The following DPP7 variants were observed in gnomAD, a reference collection of about 807,000 sequenced individuals.
DPP7 encodes dipeptidyl peptidase 7.
Under a neutral mutation model 58.8 loss-of-function variants are expected in DPP7, and 74 were observed. The ratio of observed to expected loss-of-function variants is 1.26; its 90% CI spans 1.04 to 1.53. DPP7 has a LOEUF of 1.53. Ranked by LOEUF, DPP7 falls within the 40% of genes most tolerant of loss-of-function variation. The pLI is 0.00. For missense variants in DPP7, 807 were observed against 692.3 expected, an observed-to-expected ratio of 1.17 and a Z score of -1.86; for synonymous variants, 350 against 303.6, an observed-to-expected ratio of 1.15 and a Z score of -1.59.
chr9:137,113,527 G>GC (rs1014196954), intron 4 of DPP7, 31 bp from the exon 5 acceptor site: 1 of 1,521,150 alleles, frequency 6.6e-7, no homozygotes, highest in South Asian at 1.3e-5. Flanking sequence ...TAGGGCTGCT[G>GC]CCCCCAACAC....
Position 137,110,680 on chromosome 9 carries a change from C to G in DPP7, c.1447G>C (p.Ala483Pro). The stretch of plus-strand genomic sequence containing the variant: ...CTGAGTCTGGGCCCCCCACGCAGAG[C>G]TGGCTGCTGCTCACGCCTGGCTGCC... ...VKAARREQQPALRGGPRLSL is the reference protein window; with the variant it reads ...VKAARREQQPPLRGGPRLSL The change falls in exon 13 of 13, where the codon GCT (alanine) becomes CCT (proline). Residue 483 changes from alanine (A) to proline (P), a missense_variant. By Grantham distance (27) the Ala-to-Pro change is conservative. Around this residue, in one of 3 missense-constraint regions of DPP7, gnomAD observed 624 missense variants for 531.2 expected, o/e 1.17. Coordinates refer to ENST00000371579, the MANE Select transcript of DPP7 (RefSeq NM_013379.3). The G allele has an allele frequency of 6.2e-7, 1 of 1,609,676 alleles. No individual in the cohort carries two copies. The highest frequency in any genetic ancestry group is 1.3e-5 in the African/African-American group (1 of 74,990).
chr9:137,114,567 G>T lies in DPP7; in HGVS notation c.77C>A (p.Ala26Asp). ...LRGLQAGARRAPDPGFQERFF... is the reference protein window; with the variant it reads ...LRGLQAGARRDPDPGFQERFF... ...GCGCTCCTGGAAGCCGGGGTCCGGG[G>T]CCCTGCGGGCTGTGGGGGGACGCGA... Residue 26 changes from alanine (A) to aspartate (D), a missense_variant, in exon 2 of 13, where the codon GCC becomes GAC. By Grantham distance (126) the Ala-to-Asp change is moderately radical. This residue lies in a region of DPP7 where 168 missense variants were observed against 124.1 expected (regional missense o/e 1.35). Transcript: ENST00000371579. 6.5e-7 allele frequency: 1 copy of T among 1,548,372 alleles called. No homozygotes were observed. Among genetic ancestry groups the T allele is most frequent in the Non-Finnish European group, 8.7e-7 (1 of 1,148,600 alleles).
At chr9:137,117,641 A>G (rs910610608), upstream of DPP7, among the ~76,000 whole-genome samples, 3 of 152,194 alleles carry the variant, frequency 2.0e-5, no homozygotes, top group Admixed American at 6.5e-5. Flanking sequence ...ATGCCCGGCC[A>G]CACATCACGT....
upstream of DPP7, among the ~76,000 whole-genome samples, chr9:137,116,506 C>T (rs1831642438): frequency 1.3e-5 from 2 of 152,260 alleles, no homozygotes; most frequent in Admixed American, 6.5e-5. Flanking sequence ...AAGTCATCGC[C>T]ATCCTCCATT....
Position 137,113,044 on chromosome 9 carries a change from A to G in DPP7, c.779T>C (p.Met260Thr), listed in dbSNP as rs769541149. 6.2e-7 allele frequency: 1 copy of G among 1,613,866 alleles called. No individual in the cohort carries two copies. Among genetic ancestry groups the G allele is most frequent in the Non-Finnish European group, 8.5e-7 (1 of 1,180,008 alleles). ...CACGGTGAAGGCATTCCGGGCGAAC[A>G]TGAAGAGCTGGGTCAGGTCCTTCTC... ...SDEKDLTQLFMFARNAFTVLA... is the reference protein window; with the variant it reads ...SDEKDLTQLFTFARNAFTVLA... The change falls in exon 7 of 13, where the codon ATG (methionine) becomes ACG (threonine). Residue 260 changes from methionine to threonine, a missense_variant. Around this residue, in one of 3 missense-constraint regions of DPP7, gnomAD observed 624 missense variants for 531.2 expected, o/e 1.17. Transcript: ENST00000371579.
upstream of DPP7, among the ~76,000 whole-genome samples, chr9:137,118,074 G>A (rs576891280): frequency 5.3e-5 from 8 of 151,642 alleles, no homozygotes; most frequent in East Asian, 5.8e-4. Context: ...TGCAACTTCC[G>A]CCTCCTGGGT....
At chr9:137,113,578 C>A in intron 4 of DPP7, 82 bp from the exon 5 acceptor site, 1 of 1,476,818 alleles carries the variant, frequency 6.8e-7, no homozygotes, top group Non-Finnish European at 8.9e-7. Context: ...ACAGGTGCCA[C>A]AAGGAGGACG....
At chr9:137,115,762 C>T (rs189045433), upstream of DPP7, among the ~76,000 whole-genome samples, 14 of 152,230 alleles carry the variant, frequency 9.2e-5, no homozygotes, top group East Asian at 3.9e-4. Context: ...GTGACCATCA[C>T]GTCACACTGC....
intron 4 of DPP7, 101 bp from the exon 5 acceptor site, chr9:137,113,597 G>A: frequency 6.9e-7 from 1 of 1,454,082 alleles, no homozygotes; most frequent in Non-Finnish European, 9.0e-7. Context: ...CGACACTTCT[G>A]AGACCCACAA....
chr9:137,111,662 G>C (rs766881672), intron 11 of DPP7, 28 bp downstream of exon 11: 114 of 1,606,504 alleles, frequency 7.1e-5, no homozygotes, highest in Admixed American at 3.4e-4. Context: ...CAAACTAACG[G>C]GGTCATAGGG....
chr9:137,115,516 C>G (rs561441308), upstream of DPP7, among the ~76,000 whole-genome samples: 5 of 152,282 alleles, frequency 3.3e-5, no homozygotes. Flanking sequence ...ACATGGGCCG[C>G]TAGCCAGGCC....
At chr9:137,113,322 G>C (rs766706544) in intron 5 of DPP7, 35 bp from the exon 6 acceptor site, 7 of 1,613,206 alleles carry the variant, frequency 4.3e-6, no homozygotes. Flanking sequence ...TGCAGCTGCT[G>C]TCCCTTAGGG....
upstream of DPP7, chr9:137,114,741 G>C (rs1472969845): frequency 1.6e-6 from 2 of 1,266,674 alleles, no homozygotes; most frequent in South Asian, 3.0e-5. Context: ...CCCGTCACGT[G>C]GGCGGGGTCA....
In DPP7 at chr9:137,110,755, C is replaced by T. The variant is rs142555506; in HGVS notation, c.1372G>A (p.Val458Met). Residue 458 changes from valine (V) to methionine (M), a missense_variant, in exon 13 of 13, where the codon GTG becomes ATG. Physicochemically the swap from Val to Met is conservative, Grantham distance 21. This residue lies in a region of DPP7 where 624 missense variants were observed against 531.2 expected (regional missense o/e 1.17). Coordinates refer to ENST00000371579, the MANE Select transcript of DPP7 (RefSeq NM_013379.3). ...RASHPEDPAS[V>M]VEARKLEATI... ...GCCTCCAGCTTCCGCGCCTCAACCA[C>T]GGAAGCAGGATCTTCTGGGTGGGAG... 9.5e-5 allele frequency: 153 copies of T among 1,606,350 alleles called. No individual in the cohort carries two copies. The highest frequency in any genetic ancestry group is 1.2e-4 in the Non-Finnish European group (140 of 1,179,836).
At position 137,112,081 on chromosome 9, in the gene DPP7, G is replaced by A. The variant is rs116461626; in HGVS notation, c.1050+31C>T. On this transcript the variant is annotated intron_variant, in intron 9 of 12. Transcript: ENST00000371579. ...CCAGCCCACGCCCACCCTTGCCCCC[G>A]AGTGGTTCCAGGCCACCCACACCCC... 3.5e-3 allele frequency: 5,620 copies of A among 1,612,088 alleles called. 162 individuals are homozygous for A. In the African/African-American group the frequency reaches 0.066, roughly 19 times the overall value.
intron 11 of DPP7, 83 bp downstream of exon 11, chr9:137,111,607 C>A: frequency 6.6e-7 from 1 of 1,504,722 alleles, no homozygotes; most frequent in Non-Finnish European, 9.1e-7. Context: ...CACTGTATTC[C>A]AGCCTGGGCG....
At position 137,112,149 on chromosome 9, in the gene DPP7, C is replaced by A; in HGVS notation, c.1013G>T (p.Cys338Phe). ...GGCCCTGGCGTCGGGGCCGGTGCCG[C>A]AGCCAGTGGGGTCAGCACAGCTGTG... ...LYHSCADPTG[C>F]GTGPDARAWD... Residue 338 changes from cysteine (C) to phenylalanine (F), a missense_variant, in exon 9 of 13, where the codon TGC becomes TTC. This residue lies in a region of DPP7 where 624 missense variants were observed against 531.2 expected (regional missense o/e 1.17). Transcript: ENST00000371579. The A allele has an allele frequency of 1.2e-6, 2 of 1,610,344 alleles. No individual in the cohort carries two copies. Among genetic ancestry groups the A allele is most frequent in the South Asian group, 2.2e-5 (2 of 91,066 alleles).
At chr9:137,114,186 CCCCGCCCGG>C in intron 3 of DPP7, 48 bp downstream of exon 3, 1 of 559,642 alleles carries the variant, frequency 1.8e-6, no homozygotes, top group Non-Finnish European at 2.2e-6. Context: ...CCGCCCGCGA[CCCCGCCCGG>C]CACCCACGTG....
intron 9 of DPP7, 33 bp from the exon 10 acceptor site, chr9:137,112,062 C>T (rs759082460): frequency 1.2e-6 from 2 of 1,612,518 alleles, no homozygotes; most frequent in South Asian, 1.1e-5. Context: ...CAGGCCAGCC[C>T]ACGCCCACCC....
Sources: allele counts gnomAD v4.1 joint callset (sites outside exome capture counted in the v4.1 genomes callset), GRCh38; gene constraint gnomAD v4.1.1; regional missense constraint gnomAD v4.1.1; transcripts MANE v1.5; gene names NCBI Gene and HGNC (gene_info 2026-07-23, HGNC 2026-07-21).